The following N4BP2 variants were observed in gnomAD, a reference collection of about 807,000 sequenced individuals.
The protein encoded by N4BP2 is NEDD4-binding protein 2.
A neutral mutation model predicts 152.8 loss-of-function variants in N4BP2; 91 were observed. That is an observed-to-expected ratio of 0.60 (90% CI 0.50 to 0.71). The LOEUF (loss-of-function observed/expected upper bound fraction) is 0.71. N4BP2 is among the 30% of genes least tolerant of loss of function. The probability of loss-of-function intolerance (pLI) is 0.00; values close to 1 mark genes in which losing one functional copy is unlikely to be tolerated. For synonymous variants in N4BP2, 646 were observed against 705.3 expected, an observed-to-expected ratio of 0.92 and a Z score of 1.33; for missense variants, 1,923 against 2,059.1, an observed-to-expected ratio of 0.93 and a Z score of 1.28.
At chr4:40,189,880 G>A in the N4BP2 span, among the ~76,000 whole-genome samples, 5 of 151,236 alleles carry the variant, frequency 3.3e-5, no homozygotes, top group Admixed American at 2.0e-4. The surrounding 1 kb of genome is among the most constrained non-coding windows in gnomAD (Gnocchi z 4.3). Context: ...CATGGGGAGA[G>A]GGGAGAGTCT....
rs371264057 is a variant in N4BP2, at chr4:40,097,565, C to T, written c.225C>T (p.Phe75=). 6.2e-7 allele frequency: 1 copy of T among 1,605,678 alleles called. No homozygotes were observed. Among genetic ancestry groups the T allele is most frequent in the Non-Finnish European group, 8.5e-7 (1 of 1,172,858 alleles). ...ATTTGATGCTTTCTGAATGTGATTTCAAAGGTGAGAAAAAGTTTAGTTTGA... is the reference window on the plus strand; with the variant it reads ...ATTTGATGCTTTCTGAATGTGATTTTAAAGGTGAGAAAAAGTTTAGTTTGA... ...VVYLMLSECD[F]KVENAMDCLL... Residue 75 remains phenylalanine (F), a synonymous_variant, in exon 3 of 18, where the codon TTC becomes TTT. Coordinates refer to ENST00000261435, the MANE Select transcript of N4BP2 (RefSeq NM_018177.6).
chr4:40,070,949 T>A lies in N4BP2; in HGVS notation c.-211-2506T>A, dbSNP rs550681990. Among the ~76,000 whole-genome samples, 10 of 151,712 alleles carry A rather than the reference T, an allele frequency of 6.6e-5. No individual in the cohort carries two copies. In the East Asian group the frequency reaches 1.9e-3, roughly 30 times the overall value. ...ATGCAGTTCTCTTGCCTCAGCCTCC[T>A]AAATAGCTGGGATTACAGGTGTCCG... On this transcript the variant is annotated intron_variant, in intron 1 of 17. Coordinates refer to ENST00000261435, the MANE Select transcript of N4BP2 (RefSeq NM_018177.6).
At chr4:40,130,496 T>C (rs918823641) in intron 12 of N4BP2, among the ~76,000 whole-genome samples, 1 of 152,154 alleles carries the variant, frequency 6.6e-6, no homozygotes, top group African/African-American at 2.4e-5. Context: ...AAATAACAAT[T>C]CTAGCATTTT....
In N4BP2 at chr4:40,121,723, G is replaced by A. The variant is rs779373163; in HGVS notation, c.3612G>A (p.Ala1204=). The change falls in exon 9 of 18, where the codon GCG becomes GCA. Residue 1204 remains alanine (A), a synonymous_variant. Coordinates refer to ENST00000261435, the MANE Select transcript of N4BP2 (RefSeq NM_018177.6). The part of the protein sequence containing the change: ...CDAERGNSEQ[A]EMRAVTPENH... ...CAGAAAGAGGAAACTCAGAGCAGGC[G>A]GAAATGAGAGCTGTCACTCCTGAAA... The A allele has an allele frequency of 1.3e-5, 21 of 1,613,904 alleles. No homozygotes were observed. Among genetic ancestry groups the A allele is most frequent in the Non-Finnish European group, 1.7e-5 (20 of 1,180,002 alleles).
chr4:40,060,881 G>T (rs11935984), intron 1 of N4BP2, among the ~76,000 whole-genome samples: 3 of 152,066 alleles, frequency 2.0e-5, no homozygotes, highest in African/African-American at 7.2e-5. Flanking sequence ...CTGGGAATAT[G>T]GGCCCGAGCC....
intron 3 of N4BP2, among the ~76,000 whole-genome samples, chr4:40,099,107 G>A (rs1715376459): frequency 6.6e-6 from 1 of 152,050 alleles, no homozygotes; most frequent in South Asian, 2.1e-4. Context: ...GCGTCACAGG[G>A]TAAGAACTGC....
In N4BP2 at chr4:40,126,206, T is replaced by C; in HGVS notation, c.4403T>C (p.Leu1468Ser). The change falls in exon 12 of 18, where the codon TTA becomes TCA. Residue 1468 changes from leucine (L) to serine (S), a missense_variant. Physicochemically the swap from Leu to Ser is moderately radical, Grantham distance 145 (BLOSUM62 -2). Coordinates refer to ENST00000261435, the MANE Select transcript of N4BP2 (RefSeq NM_018177.6). ...QKSSQRTGKK[L>S]LKTLTASEML... ...TCATCTCAGAGAACAGGCAAAAAAT[T>C]ACTGAAGACTTTAACAGCATCTGAA... The C allele has an allele frequency of 6.2e-7, 1 of 1,609,278 alleles. No individual in the cohort carries two copies. Among genetic ancestry groups the C allele is most frequent in the Non-Finnish European group, 8.5e-7 (1 of 1,178,348 alleles).
chr4:40,092,008 T>TATATATATA (rs1491368293), intron 2 of N4BP2, among the ~76,000 whole-genome samples: 10 of 27,204 alleles, frequency 3.7e-4, no homozygotes, highest in Admixed American at 1.7e-3. Flanking sequence ...AAAAAAAAAA[T>TATATATATA]TATATATATA....
At chr4:40,122,478 A>T (rs1182670577) in intron 9 of N4BP2, among the ~76,000 whole-genome samples, 169 bp downstream of exon 9, 1 of 151,850 alleles carries the variant, frequency 6.6e-6, no homozygotes, top group Non-Finnish European at 1.5e-5. Flanking sequence ...GGTTCAAGTG[A>T]TTCTCCTGCC....
At chr4:40,116,837 G>A (rs1210251323) in intron 7 of N4BP2, among the ~76,000 whole-genome samples, 2 of 151,916 alleles carry the variant, frequency 1.3e-5, no homozygotes, top group African/African-American at 4.8e-5. Context: ...TACTTTTGCT[G>A]GATATGTATA....
rs1208240620 is a variant in N4BP2 at position 40,102,403 on chromosome 4, T to G, written c.558T>G (p.Asn186Lys). The G allele has an allele frequency of 5.0e-6, 8 of 1,611,458 alleles. No individual in the cohort carries two copies. The highest frequency in any genetic ancestry group is 5.9e-6 in the Non-Finnish European group (7 of 1,179,012). ...SSEFINPDSSNMTPIFSTQNM... is the reference protein window; with the variant it reads ...SSEFINPDSSKMTPIFSTQNM... The stretch of plus-strand genomic sequence containing the variant: ...AGTTTATAAATCCTGATTCAAGTAA[T>G]ATGACTCCCATTTTTTCTACACAAA... Residue 186 changes from asparagine (N) to lysine (K), a missense_variant, in exon 4 of 18, where the codon AAT (asparagine) becomes AAG (lysine). Asn to Lys is a moderately conservative substitution (Grantham distance 94, BLOSUM62 0). Transcript: ENST00000261435.
chr4:40,151,949 T>C (rs1317511677), intron 16 of N4BP2, among the ~76,000 whole-genome samples: 1 of 138,060 alleles, frequency 7.2e-6, no homozygotes, highest in Non-Finnish European at 1.6e-5. Flanking sequence ...ATTTTGTGTG[T>C]TTTAAATTTA....
chr4:40,107,134 G>A, intron 5 of N4BP2, 110 bp downstream of exon 5: 1 of 1,078,884 alleles, frequency 9.3e-7, no homozygotes, highest in Non-Finnish European at 1.4e-6. Context: ...GGGTCTCGCT[G>A]TGTTGCACAG....
intron 16 of N4BP2, among the ~76,000 whole-genome samples, chr4:40,150,987 G>T (rs1721104255): frequency 6.6e-6 from 1 of 152,210 alleles, no homozygotes; most frequent in African/African-American, 2.4e-5. Flanking sequence ...AATATTTGCA[G>T]TTGAAGTATC....
At chr4:40,105,976 A>G (rs1199718576) in intron 4 of N4BP2, among the ~76,000 whole-genome samples, 1 of 152,232 alleles carries the variant, frequency 6.6e-6, no homozygotes, top group East Asian at 1.9e-4. Context: ...AGCATTCACT[A>G]GAATGTAAGC....
At chr4:40,139,008 C>G (rs1389392529) in intron 14 of N4BP2, among the ~76,000 whole-genome samples, 1 of 152,096 alleles carries the variant, frequency 6.6e-6, no homozygotes, top group African/African-American at 2.4e-5. Flanking sequence ...ATATGTAGAC[C>G]AATTAACAAT....
chr4:40,159,094 ATAGACT>A (rs1002659506), downstream of N4BP2, among the ~76,000 whole-genome samples: 4 of 152,252 alleles, frequency 2.6e-5, no homozygotes, highest in Non-Finnish European at 4.4e-5. Context: ...ATAAAGCCAC[ATAGACT>A]TAGAGAAGTT....
intron 13 of N4BP2, among the ~76,000 whole-genome samples, chr4:40,132,819 C>G (rs1239268641): frequency 7.4e-6 from 1 of 134,352 alleles, no homozygotes; most frequent in Non-Finnish European, 1.6e-5. Context: ...GGAATAAAAC[C>G]TACTTTACTT....
At chr4:40,091,940 C>A (rs1714587110) in intron 2 of N4BP2, among the ~76,000 whole-genome samples, 1 of 127,146 alleles carries the variant, frequency 7.9e-6, no homozygotes, top group South Asian at 2.5e-4. Flanking sequence ...ACAGTTATAT[C>A]CACTGCACTC....
Sources: gnomAD v4.1 joint callset for allele counts (sites outside exome capture counted in the v4.1 genomes callset) on GRCh38, gnomAD v4.1.1 for gene constraint, Gnocchi (gnomAD v3.1) non-coding constraint, MANE v1.5 for transcripts, NCBI Gene and HGNC (gene_info 2026-07-23, HGNC 2026-07-21) for gene names.